LRP1B: variants seen among roughly 807,000 people sequenced by gnomAD.
The protein encoded by LRP1B is low-density lipoprotein receptor-related protein 1B.
Under a neutral mutation model 556.6 loss-of-function variants are expected in LRP1B, and 217 were observed. The observed-to-expected ratio is 0.39, with a 90% CI of 0.35 to 0.44. The LOEUF is 0.44. Among genes scored for constraint, LRP1B ranks in the 20% least tolerant of loss-of-function variants. The pLI is 1.00. For missense variants in LRP1B, 5,053 were observed against 5,620.8 expected (o/e 0.90, Z 3.23); for synonymous variants, 2,047 against 1,865.8 (o/e 1.10, Z -2.50).
At chr2:141,265,510 C>G (rs752932917) in intron 3 of LRP1B, among the ~76,000 whole-genome samples, 1 of 152,124 alleles carries the variant, frequency 6.6e-6, no homozygotes, top group Non-Finnish European at 1.5e-5. Flanking sequence ...GGAGATCATT[C>G]CTTAATTTGT....
intron 68 of LRP1B, among the ~76,000 whole-genome samples, chr2:140,375,587 G>A (rs753088882): frequency 2.1e-4 from 32 of 151,904 alleles, no homozygotes; most frequent in Non-Finnish European, 3.5e-4. Context: ...TTAACTTTTT[G>A]TTTCTACATT....
At chr2:140,523,490 C>T (rs1229923928) in intron 49 of LRP1B, among the ~76,000 whole-genome samples, 1 of 151,852 alleles carries the variant, frequency 6.6e-6, no homozygotes, top group Non-Finnish European at 1.5e-5. Context: ...CAAGGATGCT[C>T]ACTCTCACCA....
intron 18 of LRP1B, among the ~76,000 whole-genome samples, chr2:140,961,601 T>A (rs1696036210): frequency 6.6e-6 from 1 of 152,086 alleles, no homozygotes; most frequent in African/African-American, 2.4e-5. Flanking sequence ...AATTAGAAAT[T>A]TGACTATTTT....
chr2:140,803,589 C>T (rs530709470), intron 32 of LRP1B, among the ~76,000 whole-genome samples: 1 of 152,144 alleles, frequency 6.6e-6, no homozygotes, highest in East Asian at 1.9e-4. Context: ...TGAGCCACCA[C>T]ACCTGGCTGG....
At chr2:140,852,350 C>T (rs975775980) in intron 27 of LRP1B, among the ~76,000 whole-genome samples, 2 of 152,000 alleles carry the variant, frequency 1.3e-5, no homozygotes, top group African/African-American at 4.8e-5. Flanking sequence ...CAAAAAAAGA[C>T]GTCAAGACTT....
At chr2:140,701,038 A>T (rs1686619647) in intron 40 of LRP1B, among the ~76,000 whole-genome samples, 1 of 152,032 alleles carries the variant, frequency 6.6e-6, no homozygotes, top group Non-Finnish European at 1.5e-5. Context: ...TATAGCTACA[A>T]TGTGCCTAAC....
chr2:141,545,582 T>C (rs1200515761), intron 2 of LRP1B, among the ~76,000 whole-genome samples: 2 of 152,152 alleles, frequency 1.3e-5, no homozygotes, highest in East Asian at 3.9e-4. Flanking sequence ...TGGAGGCTCA[T>C]GAATGTAATC....
intron 20 of LRP1B, among the ~76,000 whole-genome samples, chr2:140,945,811 T>G (rs1189963773): frequency 1.3e-5 from 2 of 152,144 alleles, no homozygotes; most frequent in African/African-American, 4.8e-5. Flanking sequence ...GCAAAGAATT[T>G]ATGACTAAGT....
chr2:142,072,143 G>A (rs1705340019), intron 1 of LRP1B, among the ~76,000 whole-genome samples: 1 of 151,908 alleles, frequency 6.6e-6, no homozygotes, highest in African/African-American at 2.4e-5. Context: ...TAATGCCTAT[G>A]TTAGTTCAGC....
In LRP1B at chr2:140,982,160, C is replaced by T. The variant is rs2105343519; in HGVS notation, c.2887G>A (p.Glu963Lys). 1 of 1,610,994 alleles carries T rather than the reference C, an allele frequency of 6.2e-7. No individual in the cohort carries two copies. Among genetic ancestry groups the T allele is most frequent in the Non-Finnish European group, 8.5e-7 (1 of 1,177,632 alleles). Residue 963 changes from glutamate (E) to lysine (K), a missense_variant and splice_region_variant, in exon 18 of 91, where the codon GAA (glutamate) becomes AAA (lysine). Physicochemically the swap from Glu to Lys is moderately conservative, Grantham distance 56 (BLOSUM62 1). Transcript: ENST00000389484. ...ATAACATGTCTCACTCACAACTTACCACAAGATGCCATTTCATCTGTCTGG... is the reference window on the plus strand; with the variant it reads ...ATAACATGTCTCACTCACAACTTACTACAAGATGCCATTTCATCTGTCTGG... ...GDQTDEMASC[E>K]FPTCEPLTQF...
At chr2:140,613,934 C>A (rs1683170804) in intron 41 of LRP1B, among the ~76,000 whole-genome samples, 1 of 152,066 alleles carries the variant, frequency 6.6e-6, no homozygotes, top group South Asian at 2.1e-4. Context: ...CTCAGGAAAG[C>A]CTTTCTTAAG....
chr2:140,266,378 C>T (rs1682205342), intron 86 of LRP1B, among the ~76,000 whole-genome samples: 1 of 152,004 alleles, frequency 6.6e-6, no homozygotes, highest in Non-Finnish European at 1.5e-5. Flanking sequence ...TAGGAATCTA[C>T]TCTTCAGTAA....
chr2:141,328,554 C>T (rs1402441845), intron 3 of LRP1B, among the ~76,000 whole-genome samples: 1 of 152,152 alleles, frequency 6.6e-6, no homozygotes, highest in Admixed American at 6.5e-5. Context: ...TGGCAGTTTC[C>T]AGTTAGGACT....
intron 3 of LRP1B, among the ~76,000 whole-genome samples, chr2:141,458,654 TA>T (rs1172454897): frequency 1.4e-5 from 2 of 146,484 alleles, no homozygotes; most frequent in Non-Finnish European, 3.1e-5. Context: ...ATTTTTTTTT[TA>T]AATCGTAAAA....
At chr2:140,916,925 C>G (rs1306323885) in intron 21 of LRP1B, among the ~76,000 whole-genome samples, 1 of 152,196 alleles carries the variant, frequency 6.6e-6, no homozygotes, top group East Asian at 1.9e-4. Flanking sequence ...CATGTAATCA[C>G]AGAGAAGTGT....
At chr2:142,122,310 G>T (rs1707484870) in intron 1 of LRP1B, among the ~76,000 whole-genome samples, 1 of 152,120 alleles carries the variant, frequency 6.6e-6, no homozygotes, top group African/African-American at 2.4e-5. Context: ...TCACTAGCAA[G>T]TGAAAATAGG....
chr2:140,496,139 A>G (rs868336431), intron 55 of LRP1B, among the ~76,000 whole-genome samples: 1 of 152,142 alleles, frequency 6.6e-6, no homozygotes, highest in Non-Finnish European at 1.5e-5. Context: ...GAGTTTTGAA[A>G]ATTTTTAACA....
chr2:141,517,097 C>T (rs1275085707), intron 2 of LRP1B, among the ~76,000 whole-genome samples: 1 of 150,414 alleles, frequency 6.6e-6, no homozygotes, highest in Non-Finnish European at 1.5e-5. Flanking sequence ...TTTCTCCAAC[C>T]TTGTATGGCT....
chr2:142,055,326 T>C (rs532287904), intron 1 of LRP1B, among the ~76,000 whole-genome samples: 19 of 152,282 alleles, frequency 1.2e-4, no homozygotes, highest in African/African-American at 4.3e-4. Flanking sequence ...AACAATTTTG[T>C]AATTTGAGGA....
Sources: gnomAD v4.1 joint callset for allele counts (sites outside exome capture counted in the v4.1 genomes callset) on GRCh38, gnomAD v4.1.1 for gene constraint, MANE v1.5 for transcripts, NCBI Gene and HGNC (gene_info 2026-07-23, HGNC 2026-07-21) for gene names.